Variants in PCDHA8 observed in about 807,000 individuals in gnomAD.
PCDHA8 encodes the protein protocadherin alpha 8.
A neutral mutation model predicts 61.8 loss-of-function variants in PCDHA8; 53 were observed. The observed-to-expected ratio is 0.86, with a 90% CI of 0.69 to 1.08. The LOEUF is 1.08. Ranked by LOEUF, PCDHA8 falls within the 50% of genes least tolerant of loss-of-function variation. The pLI is 0.00. For missense variants in PCDHA8, 1,293 were observed against 1,245.0 expected (o/e 1.04, Z -0.58); for synonymous variants, 618 against 556.6 (o/e 1.11, Z -1.55).
chr5:140,892,058 T>C (rs1417540713), intron 1 of PCDHA8, among the ~76,000 whole-genome samples: 3 of 152,248 alleles, frequency 2.0e-5, no homozygotes, highest in African/African-American at 4.8e-5. Context: ...TCAAATTTAT[T>C]GTTACTTTGT....
intron 1 of PCDHA8, chr5:140,877,501 A>T: frequency 6.2e-7 from 1 of 1,613,804 alleles, no homozygotes; most frequent in Non-Finnish European, 8.5e-7. Flanking sequence ...CCAGGCCCCA[A>T]AGACGTCGTC....
chr5:140,883,950 A>G (rs373518493), intron 1 of PCDHA8: 3 of 1,613,288 alleles, frequency 1.9e-6, no homozygotes, highest in South Asian at 1.1e-5. Flanking sequence ...GAGAACGACA[A>G]CGCTCCGGCG....
chr5:140,876,022 A>G lies in PCDHA8; in HGVS notation c.2394+32307A>G, dbSNP rs782132751. ...TGAGAATTTTGAGCTTAAAATAAAA[A>G]CAAAAAAAGATAAAAGTATATTGCC... On this transcript the variant is annotated intron_variant, in intron 1 of 3. Coordinates refer to ENST00000531613, the MANE Select transcript of PCDHA8 (RefSeq NM_018911.3). 1.7e-5 allele frequency: 28 copies of G among 1,613,632 alleles called. No homozygotes were observed. The highest frequency in any genetic ancestry group is 2.2e-5 in the Non-Finnish European group (26 of 1,179,850).
At position 141,009,688 on chromosome 5, in the gene PCDHA8, C is replaced by A. The variant is rs2098413722; in HGVS notation, c.2604C>A (p.Thr868=). 1 of 1,613,960 alleles carries A rather than the reference C, an allele frequency of 6.2e-7. No individual in the cohort carries two copies. Among genetic ancestry groups the A allele is most frequent in the Admixed American group, 1.7e-5 (1 of 59,994 alleles). ...CGGGTGTCAACAGCAACAGCTGGAC[C>A]TTTAAATACGGACCAGGCAACCCCA... ...VGAGVNSNSW[T]FKYGPGNPKQ... is the part of the protein sequence containing the mutation. Residue 868 remains threonine, a synonymous_variant, in exon 4 of 4, where the codon ACC becomes ACA. Transcript: ENST00000531613.
At chr5:141,006,415 G>C (rs185861703) in intron 3 of PCDHA8, among the ~76,000 whole-genome samples, 2 of 152,146 alleles carry the variant, frequency 1.3e-5, no homozygotes, top group African/African-American at 2.4e-5. Flanking sequence ...CGGTTTCACT[G>C]TGTTAGCCAG....
chr5:140,978,894 C>G, intron 1 of PCDHA8, 55 bp from the exon 2 acceptor site: 1 of 1,612,598 alleles, frequency 6.2e-7, no homozygotes, highest in South Asian at 1.1e-5. Flanking sequence ...AGCAGCATTC[C>G]TGGGAGAACA....
At chr5:140,866,463 T>C (rs1372484700) in intron 1 of PCDHA8, 1 of 152,128 alleles carries the variant, frequency 6.6e-6, no homozygotes, top group Non-Finnish European at 1.5e-5. Flanking sequence ...GCTGGGAAGC[T>C]CATAACAACT....
intron 1 of PCDHA8, chr5:140,884,432 C>G: frequency 6.2e-7 from 1 of 1,613,880 alleles, no homozygotes; most frequent in Non-Finnish European, 8.5e-7. Context: ...TACTGCGCTG[C>G]GGTGCTCGGC....
In PCDHA8 at chr5:140,842,051, C is replaced by G. The variant is rs2150328197; in HGVS notation, c.730C>G (p.Gln244Glu). 4 of 1,613,852 alleles carry G rather than the reference C, an allele frequency of 2.5e-6. No individual in the cohort carries two copies. Among genetic ancestry groups the G allele is most frequent in the Non-Finnish European group, 3.4e-6 (4 of 1,179,862 alleles). ...DVNDNAPTFE[Q>E]SEYEVRIFEN... ...GAATGATAATGCTCCCACTTTCGAA[C>G]AGTCTGAATACGAAGTAAGAATATT... Residue 244 changes from glutamine (Q) to glutamate (E), a missense_variant, in exon 1 of 4, where the codon CAG (glutamine) becomes GAG (glutamate). Gln to Glu is a conservative substitution (Grantham distance 29). Coordinates refer to ENST00000531613, the MANE Select transcript of PCDHA8 (RefSeq NM_018911.3).
rs3776115 is a variant in PCDHA8 at position 140,970,956 on chromosome 5, G to A, written c.2395-7993G>A. Among the ~76,000 whole-genome samples, 119 of 152,278 alleles carry A rather than the reference G, an allele frequency of 7.8e-4. 3 individuals carry two copies. In the East Asian group the frequency reaches 0.019, roughly 25 times the overall value. On this transcript the variant is annotated intron_variant, in intron 1 of 3. Coordinates refer to ENST00000531613, the MANE Select transcript of PCDHA8 (RefSeq NM_018911.3). The stretch of plus-strand genomic sequence containing the variant: ...TAGTCAATGCTGAGAAACCATGGGA[G>A]GCAGATTGTAGATTAAGAAAAATGG...
At chr5:140,848,605 A>G in intron 1 of PCDHA8, 4 of 1,593,610 alleles carry the variant, frequency 2.5e-6, no homozygotes, top group African/African-American at 2.7e-5. Flanking sequence ...TCCGTCCCGG[A>G]GGAAGCCGAA....
chr5:140,927,040 A>T (rs1554203950), intron 1 of PCDHA8: 1 of 1,612,350 alleles, frequency 6.2e-7, no homozygotes, highest in Non-Finnish European at 8.5e-7. Flanking sequence ...AGCGGCCGCT[A>T]TGTCCTCGCG....
At position 140,876,690 on chromosome 5, in the gene PCDHA8, G is replaced by A. The variant is rs73793508; in HGVS notation, c.2394+32975G>A. The A allele has an allele frequency of 1.7e-3, 2,720 of 1,614,174 alleles. 43 individuals are homozygous for A. The African/African-American group carries it at 0.033, about 20-fold the overall frequency. ...TGTCCACCTACAAGAATTACTACTC[G>A]TTGGTGCTGGACAGCGCCCTGGACC... On this transcript the variant is annotated intron_variant, in intron 1 of 3. Transcript: ENST00000531613.
chr5:140,901,815 A>T (rs1339282567), intron 1 of PCDHA8, among the ~76,000 whole-genome samples: 1 of 152,122 alleles, frequency 6.6e-6, no homozygotes, highest in African/African-American at 2.4e-5. Context: ...TACAATATTG[A>T]TTCTTCCAGT....
intron 1 of PCDHA8, chr5:140,927,256 CCT>C (rs2084020732): frequency 1.2e-6 from 2 of 1,614,144 alleles, no homozygotes; most frequent in Non-Finnish European, 1.7e-6. Flanking sequence ...TGACAACTCA[CCT>C]CTCTTTCCTG....
intron 1 of PCDHA8, chr5:140,877,407 C>A: frequency 6.2e-7 from 1 of 1,613,942 alleles, no homozygotes; most frequent in Non-Finnish European, 8.5e-7. Flanking sequence ...CTCCGCGCCA[C>A]CGCCTGCTGG....
Position 140,841,817 on chromosome 5 carries a change from T to C in PCDHA8, c.496T>C (p.Ser166Pro). 6.2e-7 allele frequency: 1 copy of C among 1,613,922 alleles called. No individual in the cohort carries two copies. The stretch of plus-strand genomic sequence containing the variant: ...GTCCGATGCAGATGTTGGAGCTAAC[T>C]CCGTGTTAACCTACAGGCTTAGCTC... ...GASDADVGANSVLTYRLSSHD... is the reference protein window; with the variant it reads ...GASDADVGANPVLTYRLSSHD... Residue 166 changes from serine to proline, a missense_variant, in exon 1 of 4, where the codon TCC (serine) becomes CCC (proline). Coordinates refer to ENST00000531613, the MANE Select transcript of PCDHA8 (RefSeq NM_018911.3).
At chr5:140,966,732 G>A in intron 1 of PCDHA8, 1 of 1,415,600 alleles carries the variant, frequency 7.1e-7, no homozygotes, top group South Asian at 1.6e-5. Flanking sequence ...GCCGCCTCCG[G>A]CCCTGCCCGG....
At chr5:140,942,667 CA>C (rs2153659637) in intron 1 of PCDHA8, among the ~76,000 whole-genome samples, 1 of 151,384 alleles carries the variant, frequency 6.6e-6, no homozygotes, top group South Asian at 2.1e-4. Flanking sequence ...GCAATAAGCA[CA>C]AAAGTTTTAG....
Sources: allele counts gnomAD v4.1 joint callset (sites outside exome capture counted in the v4.1 genomes callset), GRCh38; gene constraint gnomAD v4.1.1; transcripts MANE v1.5; gene names NCBI Gene and HGNC (gene_info 2026-07-23, HGNC 2026-07-21).